The following CHIC1 variants were observed in gnomAD, a reference collection of about 807,000 sequenced individuals.
CHIC1 encodes the protein cysteine rich hydrophobic domain 1.
In CHIC1, 7 loss-of-function variants were observed where a neutral mutation model predicts 18.5. That is an observed-to-expected ratio of 0.38 (90% confidence interval 0.22 to 0.71). The LOEUF is 0.71. Ranked by LOEUF, CHIC1 falls within the 30% of genes least tolerant of loss-of-function variation. The probability of loss-of-function intolerance (pLI) is 0.49; values close to 1 mark genes in which losing one functional copy is unlikely to be tolerated. For missense variants in CHIC1, 159 were observed against 176.9 expected, an observed-to-expected ratio of 0.90 and a Z score of 0.57; for synonymous variants, 77 against 73.5, an observed-to-expected ratio of 1.05 and a Z score of -0.25.
intron 3 of CHIC1, among the ~76,000 whole-genome samples, chrX:73,595,386 A>G (rs2057602760): frequency 5.4e-5 from 6 of 110,221 alleles, no homozygotes; most frequent in Admixed American, 4.9e-4. Flanking sequence ...ATATGTTCTC[A>G]TTGTTCAACT....
At chrX:73,574,122 C>T (rs566214233) in intron 1 of CHIC1, among the ~76,000 whole-genome samples, 10 of 109,955 alleles carry the variant, frequency 9.1e-5, no homozygotes, top group African/African-American at 2.3e-4. Flanking sequence ...AGTTTGTTGA[C>T]GGTTTTATCA....
intron 3 of CHIC1, among the ~76,000 whole-genome samples, chrX:73,604,220 G>T (rs775625788): frequency 9.7e-6 from 1 of 103,566 alleles, no homozygotes; most frequent in African/African-American, 3.8e-5. Context: ...ACTTCTTCCT[G>T]GTTTAGTCTT....
intron 3 of CHIC1, among the ~76,000 whole-genome samples, chrX:73,636,662 A>T (rs2057832580): frequency 9.5e-6 from 1 of 104,905 alleles, no homozygotes; most frequent in Non-Finnish European, 2.0e-5. Flanking sequence ...ATTTTCTTCT[A>T]ATTGTCTTTT....
At chrX:73,572,097 C>A (rs1481727038) in intron 1 of CHIC1, among the ~76,000 whole-genome samples, 1 of 110,935 alleles carries the variant, frequency 9.0e-6, no homozygotes, top group Non-Finnish European at 1.9e-5. Flanking sequence ...GTTTTACAAC[C>A]CTTACTCACC....
intron 3 of CHIC1, among the ~76,000 whole-genome samples, chrX:73,601,012 A>G (rs1364829276): frequency 9.2e-6 from 1 of 108,234 alleles, no homozygotes; most frequent in Non-Finnish European, 1.9e-5. Flanking sequence ...AGAGCTAACT[A>G]TCCTAAATAT....
intron 3 of CHIC1, among the ~76,000 whole-genome samples, chrX:73,610,060 C>T (rs1330821318): frequency 9.2e-6 from 1 of 108,290 alleles, no homozygotes; most frequent in Non-Finnish European, 1.9e-5. Context: ...TTCCAAGCCT[C>T]TGGAAGTATC....
chrX:73,614,104 T>A (rs1370658534), intron 3 of CHIC1, among the ~76,000 whole-genome samples: 1 of 111,658 alleles, frequency 9.0e-6, no homozygotes, highest in Admixed American at 9.5e-5. Context: ...AGACTTTTAT[T>A]TCTTCTTCAT....
At position 73,683,295 on chromosome X, in the gene CHIC1, T is replaced by G. The variant is rs1487958515; in HGVS notation, c.*2290T>G. On this transcript the variant is annotated 3_prime_UTR_variant, in exon 6 of 6. Transcript: ENST00000373502. ...TTATTTTATTGTTCGCTATGCTGGT[T>G]GACTCATCTTAGTTTCTTCAACTAC... is the stretch of plus-strand genomic sequence containing the variant. 8.9e-6 allele frequency: 1 copy of G among 111,984 alleles called. No individual in the cohort carries two copies. The highest frequency in any genetic ancestry group is 1.9e-5 in the Non-Finnish European group (1 of 52,999). 9.2% of individuals were successfully genotyped at this position (111,984 alleles called of 1,213,427 possible).
intron 3 of CHIC1, among the ~76,000 whole-genome samples, chrX:73,611,024 TTTATTA>T (rs1255564315): frequency 9.3e-6 from 1 of 107,999 alleles, no homozygotes; most frequent in South Asian, 3.9e-4. Flanking sequence ...ACCAGCTTTT[TTTATTA>T]TTATTATACT....
chrX:73,668,793 C>T (rs1215998631), intron 3 of CHIC1, among the ~76,000 whole-genome samples: 5 of 112,347 alleles, frequency 4.5e-5, no homozygotes, highest in Non-Finnish European at 9.4e-5. Context: ...ACTGGAGACC[C>T]GTTTGGTGGT....
At chrX:73,613,789 A>G (rs1045788597) in intron 3 of CHIC1, among the ~76,000 whole-genome samples, 3 of 109,865 alleles carry the variant, frequency 2.7e-5, no homozygotes, top group Non-Finnish European at 5.7e-5. Context: ...TGTTTTATAT[A>G]CCTTCCCTCC....
At chrX:73,650,992 G>C (rs60546903) in intron 3 of CHIC1, among the ~76,000 whole-genome samples, 1 of 111,356 alleles carries the variant, frequency 9.0e-6, no homozygotes, top group African/African-American at 3.3e-5. Context: ...TATCCACCAC[G>C]ATCAAGGCAG....
chrX:73,674,925 G>A (rs1244541745), intron 3 of CHIC1, among the ~76,000 whole-genome samples: 3 of 111,642 alleles, frequency 2.7e-5, no homozygotes, highest in Admixed American at 1.9e-4. Flanking sequence ...AGAGATTCTG[G>A]TATGTTGTGT....
intron 3 of CHIC1, among the ~76,000 whole-genome samples, chrX:73,592,208 T>G (rs2057585387): frequency 9.0e-6 from 1 of 111,069 alleles, no homozygotes; most frequent in African/African-American, 3.3e-5. Context: ...CTTGACTGAT[T>G]GCTCTGTCTA....
chrX:73,606,727 T>A (rs2057685190), intron 3 of CHIC1, among the ~76,000 whole-genome samples: 1 of 109,046 alleles, frequency 9.2e-6, no homozygotes, highest in Non-Finnish European at 1.9e-5. Flanking sequence ...GTTTTCCTTC[T>A]AAAAGGGCCC....
In CHIC1 at chrX:73,683,978, G is replaced by A. The variant is rs1163542107; in HGVS notation, c.*2973G>A. 8.9e-6 allele frequency: 1 copy of A among 112,054 alleles called. No individual in the cohort carries two copies. Among genetic ancestry groups the A allele is most frequent in the African/African-American group, 3.2e-5 (1 of 30,885 alleles). The allele number at this position is 112,054 out of a possible 1,213,427, so 9.2% of individuals were successfully genotyped here. Reference sequence around the variant, plus strand: ...AAACTTTAGAAGAAGATGGAGAAGTGCCTTGTCTTTTTAGAACAAAGATAA... The same window carrying A: ...AAACTTTAGAAGAAGATGGAGAAGTACCTTGTCTTTTTAGAACAAAGATAA... On this transcript the variant is annotated 3_prime_UTR_variant, in exon 6 of 6. Transcript: ENST00000373502.
intron 3 of CHIC1, among the ~76,000 whole-genome samples, chrX:73,642,600 T>C (rs1188508755): frequency 3.7e-5 from 4 of 106,841 alleles, no homozygotes; most frequent in African/African-American, 1.3e-4. Context: ...TGCCCATGCC[T>C]ATGTCCTGAA....
At chrX:73,670,025 C>T (rs185694550) in intron 3 of CHIC1, among the ~76,000 whole-genome samples, 1 of 111,971 alleles carries the variant, frequency 8.9e-6, no homozygotes, top group African/African-American at 3.2e-5. Flanking sequence ...CTCCATACAG[C>T]TCTGTGTCGG....
chrX:73,607,189 C>T (rs1282232411), intron 3 of CHIC1, among the ~76,000 whole-genome samples: 1 of 108,710 alleles, frequency 9.2e-6, no homozygotes, highest in African/African-American at 3.6e-5. Flanking sequence ...CCAGAGAGGA[C>T]GAATCTAGAG....
Sources: gnomAD v4.1 joint callset for allele counts (sites outside exome capture counted in the v4.1 genomes callset) on GRCh38, gnomAD v4.1.1 for gene constraint, MANE v1.5 for transcripts, NCBI Gene and HGNC (gene_info 2026-07-23, HGNC 2026-07-21) for gene names.